The following NME7 variants were observed in gnomAD, a reference collection of about 807,000 sequenced individuals.
NME7 encodes nucleoside diphosphate kinase 7.
A neutral mutation model predicts 49.1 loss-of-function variants in NME7; 41 were observed. That is an observed-to-expected ratio of 0.83 (90% CI 0.65 to 1.08). The LOEUF (loss-of-function observed/expected upper bound fraction) is 1.08, where lower values mean the gene tolerates loss of function less well. Ranked by LOEUF, NME7 falls within the 50% of genes least tolerant of loss-of-function variation. NME7 has a pLI of 0.00. For missense variants in NME7, 423 were observed against 463.4 expected, an observed-to-expected ratio of 0.91 and a Z score of 0.80; for synonymous variants, 139 against 150.6, an observed-to-expected ratio of 0.92 and a Z score of 0.56.
chr1:169,222,646 C>T (rs1030906738), intron 10 of NME7, among the ~76,000 whole-genome samples: 6 of 152,126 alleles, frequency 3.9e-5, no homozygotes, highest in South Asian at 2.1e-4. Flanking sequence ...AGGACTATGG[C>T]GAGGAGAGGA....
chr1:169,275,909 T>G lies in NME7; in HGVS notation c.754+11394A>C, dbSNP rs1649700000. Among the ~76,000 whole-genome samples, 3 of 133,752 alleles carry G rather than the reference T, an allele frequency of 2.2e-5. 1 individual carries two copies. The South Asian group carries it at 6.9e-4, about 31-fold the overall frequency. 87.7% of individuals were successfully genotyped at this position (133,752 alleles called of 152,430 possible). On this transcript the variant is annotated intron_variant, in intron 7 of 11. Coordinates refer to ENST00000367811, the MANE Select transcript of NME7 (RefSeq NM_013330.5). ...TTTTAGCATGAAGGGTTGTTGAATT[T>G]TGTCAAAGGCCTTTTCTGCATCTAT...
At chr1:169,338,520 C>A (rs1431458753) in intron 1 of NME7, among the ~76,000 whole-genome samples, 1 of 152,190 alleles carries the variant, frequency 6.6e-6, no homozygotes, top group African/African-American at 2.4e-5. Context: ...AGGCACACAT[C>A]CAGTTTCAGG....
chr1:169,288,159 C>T (rs1469792650), intron 6 of NME7, among the ~76,000 whole-genome samples: 2 of 152,172 alleles, frequency 1.3e-5, no homozygotes, highest in Non-Finnish European at 2.9e-5. Flanking sequence ...GGAGGCATTT[C>T]CTGATGCCTC....
At chr1:169,227,383 C>A (rs1274505718) in intron 10 of NME7, among the ~76,000 whole-genome samples, 1 of 152,102 alleles carries the variant, frequency 6.6e-6, no homozygotes, top group Non-Finnish European at 1.5e-5. Flanking sequence ...GCCATGTCTC[C>A]CCTGACATTT....
intron 6 of NME7, among the ~76,000 whole-genome samples, chr1:169,293,546 C>T (rs1159979782): frequency 6.6e-6 from 1 of 152,114 alleles, no homozygotes; most frequent in Admixed American, 6.6e-5. Flanking sequence ...CACTGATATA[C>T]TTACCTACTC....
intron 11 of NME7, chr1:169,169,211 G>T (rs77423712): frequency 2.7e-5 from 11 of 411,770 alleles, no homozygotes; most frequent in South Asian, 1.4e-4. Context: ...GTCAGGGGGT[G>T]GGGGGGATAG....
Position 169,287,337 on chromosome 1 carries a change from G to C in NME7, c.720C>G (p.Thr240=), listed in dbSNP as rs1403473791. ...PANTAKFTNC[T]CCIVKPHAVS... ...CAGCATGGGGTTTAACAATGCAACA[G>C]GTACAATTAGTAAATTTAGCAGTGT... Residue 240 remains threonine, a synonymous_variant, in exon 7 of 12, where the codon ACC becomes ACG. Transcript: ENST00000367811. 1.2e-6 allele frequency: 2 copies of C among 1,611,278 alleles called. No individual in the cohort carries two copies. The highest frequency in any genetic ancestry group is 8.5e-7 in the Non-Finnish European group (1 of 1,178,790).
intron 1 of NME7, among the ~76,000 whole-genome samples, chr1:169,352,306 C>T (rs1192456100): frequency 6.6e-6 from 1 of 151,954 alleles, no homozygotes; most frequent in Non-Finnish European, 1.5e-5. Context: ...TACATCATAT[C>T]AACAGAATGT....
chr1:169,232,119 T>C (rs1329224386), intron 9 of NME7, among the ~76,000 whole-genome samples: 1 of 151,970 alleles, frequency 6.6e-6, no homozygotes, highest in Non-Finnish European at 1.5e-5. Flanking sequence ...GAGGAGAAAA[T>C]AAAAAATATT....
chr1:169,240,099 G>A (rs1648016590), intron 7 of NME7, among the ~76,000 whole-genome samples: 1 of 151,712 alleles, frequency 6.6e-6, no homozygotes, highest in Admixed American at 6.6e-5. Context: ...TACTTGACAA[G>A]TGGTAGTTTC....
intron 3 of NME7, among the ~76,000 whole-genome samples, chr1:169,320,515 G>T (rs955597577): frequency 6.6e-6 from 1 of 152,188 alleles, no homozygotes; most frequent in Non-Finnish European, 1.5e-5. Context: ...ACAAAACTGA[G>T]AACTAGACTA....
At chr1:169,187,703 C>T (rs1213847300) in intron 10 of NME7, among the ~76,000 whole-genome samples, 1 of 152,108 alleles carries the variant, frequency 6.6e-6, no homozygotes, top group African/African-American at 2.4e-5. Flanking sequence ...ACTCTTTATC[C>T]AATTTGCCAG....
At chr1:169,264,477 A>T (rs2101866775) in intron 7 of NME7, among the ~76,000 whole-genome samples, 1 of 134,068 alleles carries the variant, frequency 7.5e-6, no homozygotes, top group African/African-American at 2.5e-5. Context: ...TTTAAGCCAA[A>T]TAGATTTTTA....
At chr1:169,242,882 A>G (rs921804603) in intron 7 of NME7, among the ~76,000 whole-genome samples, 1 of 152,054 alleles carries the variant, frequency 6.6e-6, no homozygotes, top group Admixed American at 6.6e-5. Context: ...TTGTGTATGA[A>G]AACTACAAAA....
chr1:169,156,594 T>C (rs1659083513), intron 11 of NME7, among the ~76,000 whole-genome samples: 1 of 152,216 alleles, frequency 6.6e-6, no homozygotes, highest in African/African-American at 2.4e-5. Flanking sequence ...TAAAGTGGGA[T>C]AAATTATATT....
chr1:169,321,463 C>T (rs1651849965), intron 3 of NME7, among the ~76,000 whole-genome samples: 2 of 152,184 alleles, frequency 1.3e-5, no homozygotes, highest in African/African-American at 4.8e-5. Context: ...TAAATGAATG[C>T]TACACATATT....
chr1:169,287,370 C>A lies in NME7; in HGVS notation c.687G>T (p.Gly229=). 1 of 1,603,174 alleles carries A rather than the reference C, an allele frequency of 6.2e-7. No individual in the cohort carries two copies. Among genetic ancestry groups the A allele is most frequent in the Non-Finnish European group, 8.5e-7 (1 of 1,175,962 alleles). ...ELFFPSSGGC[G]PANTAKFTNC... ...TAGTAAATTTAGCAGTGTTTGCCGGCCCACAACCTCCACTTGAAGGAAAAA... is the reference window on the plus strand; with the variant it reads ...TAGTAAATTTAGCAGTGTTTGCCGGACCACAACCTCCACTTGAAGGAAAAA... Residue 229 remains glycine (G), a synonymous_variant, in exon 7 of 12, where the codon GGG becomes GGT. Coordinates refer to ENST00000367811, the MANE Select transcript of NME7 (RefSeq NM_013330.5).
At chr1:169,203,336 C>T (rs1211788010) in intron 10 of NME7, among the ~76,000 whole-genome samples, 1 of 152,164 alleles carries the variant, frequency 6.6e-6, no homozygotes, top group East Asian at 1.9e-4. Flanking sequence ...TCTGGGCCCT[C>T]TCTCCCTGTC....
chr1:169,279,472 G>A (rs2101886031), intron 7 of NME7, among the ~76,000 whole-genome samples: 1 of 152,322 alleles, frequency 6.6e-6, no homozygotes, highest in South Asian at 2.1e-4. Context: ...GAGACTCTGT[G>A]GGCATAGGAC....
Sources: allele counts gnomAD v4.1 joint callset (sites outside exome capture counted in the v4.1 genomes callset), GRCh38; gene constraint gnomAD v4.1.1; transcripts MANE v1.5; gene names NCBI Gene and HGNC (gene_info 2026-07-23, HGNC 2026-07-21).